Variants in TMOD3 observed in about 807,000 individuals in gnomAD.
The protein encoded by TMOD3 is tropomodulin-3.
In TMOD3, 20 loss-of-function variants were observed where a neutral mutation model predicts 39.2. The observed-to-expected ratio is 0.51, with a 90% confidence interval of 0.36 to 0.74. The LOEUF (loss-of-function observed/expected upper bound fraction) is 0.74. TMOD3 is among the 30% of genes least tolerant of loss of function. The probability of loss-of-function intolerance (pLI) is 0.00; values close to 1 mark genes in which losing one functional copy is unlikely to be tolerated. For synonymous variants in TMOD3, 143 were observed against 145.8 expected, an observed-to-expected ratio of 0.98 and a Z score of 0.14; for missense variants, 381 against 412.8, an observed-to-expected ratio of 0.92 and a Z score of 0.67.
chr15:51,855,104 C>G (rs1398577951), intron 1 of TMOD3, among the ~76,000 whole-genome samples: 2 of 152,154 alleles, frequency 1.3e-5, no homozygotes, highest in African/African-American at 2.4e-5. Flanking sequence ...GCAACAGCAC[C>G]CATAGACTTT....
In TMOD3 at chr15:51,909,181, C is replaced by T. The variant is rs997566954; in HGVS notation, c.*371C>T. 1.2e-5 allele frequency: 2 copies of T among 167,740 alleles called. No individual in the cohort carries two copies. Among genetic ancestry groups the T allele is most frequent in the Admixed American group, 6.4e-5 (1 of 15,702 alleles). 10.4% of individuals were successfully genotyped at this position (167,740 alleles called of 1,614,324 possible). ...GCTGGTATCAGAATTGTTATTGCTT[C>T]ATTTAGACATAAAACACTTAAGTGT... On this transcript the variant is annotated 3_prime_UTR_variant, in exon 10 of 10. Coordinates refer to ENST00000308580, the MANE Select transcript of TMOD3 (RefSeq NM_014547.5).
chr15:51,900,562 C>T (rs1318893830), intron 8 of TMOD3, among the ~76,000 whole-genome samples: 1 of 152,174 alleles, frequency 6.6e-6, no homozygotes, highest in Admixed American at 6.5e-5. Context: ...AGGACTCTTA[C>T]ATGTGACCTA....
chr15:51,900,390 G>A, intron 8 of TMOD3, 92 bp downstream of exon 8: 2 of 1,440,506 alleles, frequency 1.4e-6, no homozygotes, highest in Non-Finnish European at 1.9e-6. Context: ...GAGGCGGGCT[G>A]TCAGGGATCC....
intron 3 of TMOD3, among the ~76,000 whole-genome samples, chr15:51,883,399 T>C (rs1275612324): frequency 6.6e-6 from 1 of 152,240 alleles, no homozygotes; most frequent in Non-Finnish European, 1.5e-5. Flanking sequence ...TATGATGCTT[T>C]AGATTCCATC....
At chr15:51,898,870 T>G (rs1185462569) in intron 7 of TMOD3, 2 of 152,240 alleles carry the variant, frequency 1.3e-5, no homozygotes, top group Admixed American at 6.5e-5. Context: ...TTTTCTTTCC[T>G]TCCCAGTCTC....
In TMOD3 at chr15:51,901,887, T is replaced by C; in HGVS notation, c.880-5T>C. ...AATATTGTTCTTTTTTTCTAATTAC[T>C]CCAGAGGCAGCAGTTGGGGACAGCT... is the stretch of plus-strand genomic sequence containing the variant. On this transcript the variant is annotated splice_region_variant and splice_polypyrimidine_tract_variant and intron_variant, in intron 8 of 9. Coordinates refer to ENST00000308580, the MANE Select transcript of TMOD3 (RefSeq NM_014547.5). The C allele has an allele frequency of 1.9e-6, 3 of 1,612,638 alleles. No homozygotes were observed. The highest frequency in any genetic ancestry group is 2.7e-5 in the African/African-American group (2 of 74,890).
chr15:51,887,715 TCACCTAAAA>T lies in TMOD3; in HGVS notation c.406+7_406+15del, dbSNP rs1270708891. 6.2e-7 allele frequency: 1 copy of T among 1,613,614 alleles called. No individual in the cohort carries two copies. The highest frequency in any genetic ancestry group is 1.3e-5 in the African/African-American group (1 of 75,008). On this transcript the variant is annotated splice_donor_5th_base_variant and intron_variant, in intron 4 of 9. Transcript: ENST00000308580. ...ACAGAATTGTGTGACCTCGCAGGTA[TCACCTAAAA>T]CAAGTTAATTTGTGAATAAGTGTGG...
At chr15:51,854,652 AT>A (rs2056379159) in intron 1 of TMOD3, among the ~76,000 whole-genome samples, 1 of 152,242 alleles carries the variant, frequency 6.6e-6, no homozygotes, top group Non-Finnish European at 1.5e-5. Context: ...TCAAACTTAT[AT>A]ATAGATCCCT....
intron 2 of TMOD3, among the ~76,000 whole-genome samples, chr15:51,864,094 G>A (rs1192697189): frequency 6.6e-5 from 10 of 151,790 alleles, no homozygotes; most frequent in African/African-American, 1.9e-4. Context: ...AGTGAACCCC[G>A]TCTCTACTAA....
Position 51,889,685 on chromosome 15 carries a change from C to T in TMOD3, c.496+540C>T, listed in dbSNP as rs534627954. On this transcript the variant is annotated intron_variant, in intron 5 of 9. Coordinates refer to ENST00000308580, the MANE Select transcript of TMOD3 (RefSeq NM_014547.5). ...AGGAGTTCAGGACCAGCATTGGAAA[C>T]GTAGACCCCCATCTCTAAAAAATTT... 6.6e-5 allele frequency among the ~76,000 whole-genome samples: 10 copies of T among 152,054 alleles called. No homozygotes were observed. In the East Asian group the frequency reaches 1.2e-3, roughly 18 times the overall value.
chr15:51,860,172 A>G (rs1192675044), intron 1 of TMOD3: 1 of 470,818 alleles, frequency 2.1e-6, no homozygotes, highest in Admixed American at 2.3e-5. Context: ...ATCCCAAGTG[A>G]GAAGATCATC....
At chr15:51,872,463 T>C (rs1041159824) in intron 3 of TMOD3, among the ~76,000 whole-genome samples, 4 of 152,158 alleles carry the variant, frequency 2.6e-5, no homozygotes, top group Non-Finnish European at 5.9e-5. Flanking sequence ...CTTTTCCCTT[T>C]CTTGTGAAAG....
intron 7 of TMOD3, among the ~76,000 whole-genome samples, chr15:51,898,793 G>T (rs1410788813): frequency 2.0e-5 from 3 of 152,034 alleles, no homozygotes; most frequent in Non-Finnish European, 2.9e-5. Flanking sequence ...CATGATCATT[G>T]TTCTTTTTTC....
intron 5 of TMOD3, 81 bp from the exon 6 acceptor site, chr15:51,893,734 C>G: frequency 7.5e-7 from 1 of 1,339,988 alleles, no homozygotes; most frequent in Non-Finnish European, 9.8e-7. Flanking sequence ...CACTGCACTC[C>G]GGCCTGGGCG....
intron 5 of TMOD3, chr15:51,892,390 C>T (rs117045008): frequency 5.3e-5 from 8 of 152,340 alleles, no homozygotes; most frequent in Non-Finnish European, 1.0e-4. Context: ...CACACACATG[C>T]ATCAGAGCAC....
rs1307208905 is a variant in TMOD3, at chr15:51,838,204, C to T, written c.-75+8368C>T. Among the ~76,000 whole-genome samples the T allele has an allele frequency of 2.0e-5, 3 of 152,112 alleles. No individual in the cohort carries two copies. The East Asian group carries it at 5.8e-4, about 29-fold the overall frequency. On this transcript the variant is annotated intron_variant, in intron 1 of 9. Coordinates refer to ENST00000308580, the MANE Select transcript of TMOD3 (RefSeq NM_014547.5). ...CTTTGATCTCTTTGTTTAGTATATA[C>T]TTCTCCACTCCTCTCTGTGTAGCTA...
intron 3 of TMOD3, among the ~76,000 whole-genome samples, chr15:51,886,970 G>T (rs1427141529): frequency 6.6e-6 from 1 of 152,072 alleles, no homozygotes; most frequent in Non-Finnish European, 1.5e-5. Context: ...TGTAATCCTA[G>T]CACTTTGGGA....
At chr15:51,896,646 A>C (rs2056622423) in intron 7 of TMOD3, 120 bp downstream of exon 7, 1 of 605,502 alleles carries the variant, frequency 1.7e-6, no homozygotes, top group African/African-American at 1.9e-5. Flanking sequence ...ACTATTAGGC[A>C]GTATATTACT....
intron 1 of TMOD3, 28 bp downstream of exon 1, chr15:51,829,864 A>G (rs2056244561): frequency 6.6e-6 from 1 of 152,274 alleles, no homozygotes; most frequent in South Asian, 2.1e-4. Context: ...CTTTCCAGGA[A>G]GTCCGTCTGC....
Sources: gnomAD v4.1 joint callset for allele counts (sites outside exome capture counted in the v4.1 genomes callset) on GRCh38, gnomAD v4.1.1 for gene constraint, MANE v1.5 for transcripts, NCBI Gene and HGNC (gene_info 2026-07-23, HGNC 2026-07-21) for gene names.